SLK: variants seen among roughly 807,000 people sequenced by gnomAD.
SLK encodes the protein STE20-like serine/threonine-protein kinase.
A neutral mutation model predicts 147.7 loss-of-function variants in SLK; 67 were observed. That is an observed-to-expected ratio of 0.45 (90% confidence interval 0.37 to 0.56). The LOEUF (loss-of-function observed/expected upper bound fraction) is 0.56, where lower values mean the gene tolerates loss of function less well. Among genes scored for constraint, SLK ranks in the 20% least tolerant of loss-of-function variants. SLK has a pLI of 0.00. For synonymous variants in SLK, 441 were observed against 475.0 expected, an observed-to-expected ratio of 0.93 and a Z score of 0.93; for missense variants, 1,136 against 1,438.8, an observed-to-expected ratio of 0.79 and a Z score of 3.41.
intron 4 of SLK, among the ~76,000 whole-genome samples, chr10:103,995,056 G>A (rs147777794): frequency 6.0e-4 from 92 of 152,088 alleles, no homozygotes; most frequent in African/African-American, 2.0e-3. Context: ...CATTATTTTC[G>A]ATAATGATTT....
chr10:103,967,882 G>T lies in SLK; in HGVS notation c.137G>T (p.Gly46Val). 6.3e-7 allele frequency: 1 copy of T among 1,595,866 alleles called. No individual in the cohort carries two copies. The highest frequency in any genetic ancestry group is 8.5e-7 in the Non-Finnish European group (1 of 1,171,238). ...IIGELGDGAF[G>V]KVYKAQNKET... ...GGAGAACTGGGCGACGGAGCCTTTG[G>T]GAAAGTGTACAAGGTAAGAGGGGGA... is the stretch of plus-strand genomic sequence containing the variant. Residue 46 changes from glycine (G) to valine (V), a missense_variant, in exon 1 of 19, where the codon GGG becomes GTG. Coordinates refer to ENST00000369755, the MANE Select transcript of SLK (RefSeq NM_014720.4).
chr10:104,008,148 T>G, intron 11 of SLK, 29 bp from the exon 12 acceptor site: 1 of 1,573,650 alleles, frequency 6.4e-7, no homozygotes, highest in Non-Finnish European at 8.7e-7. Flanking sequence ...GATGGAAAAG[T>G]TATCATCTTG....
At chr10:103,980,305 T>G (rs1843924689) in intron 1 of SLK, among the ~76,000 whole-genome samples, 1 of 152,184 alleles carries the variant, frequency 6.6e-6, no homozygotes. Flanking sequence ...TGTAGTAAAA[T>G]ACACATAAAA....
intron 11 of SLK, 46 bp from the exon 12 acceptor site, chr10:104,008,131 T>C (rs773765692): frequency 3.0e-5 from 43 of 1,449,406 alleles, no homozygotes; most frequent in Non-Finnish European, 4.1e-5. Context: ...AAGGTATTAA[T>C]ATGGGTGATG....
rs747353260 is a variant in SLK at position 103,990,754 on chromosome 10, TG to T, written c.232del (p.Val78Ter). ...TCTGAAGAAGAACTTGAAGATTACA[TG>T]GTAGAGATTGACATATTAGCATCTT... ...TKSEEELEDY[M>X]VEIDILASCD... On this transcript the variant is annotated frameshift_variant, in exon 2 of 19. Transcript: ENST00000369755. LOFTEE classifies it high-confidence loss of function. 1 of 1,572,846 alleles carries T rather than the reference TG, an allele frequency of 6.4e-7. No individual in the cohort carries two copies. Among genetic ancestry groups the T allele is most frequent in the Admixed American group, 1.9e-5 (1 of 53,056 alleles).
At chr10:103,992,024 G>A (rs1844100233) in intron 2 of SLK, among the ~76,000 whole-genome samples, 3 of 151,624 alleles carry the variant, frequency 2.0e-5, no homozygotes, top group Admixed American at 2.0e-4. Flanking sequence ...TACAACTGTG[G>A]TAAGGGTTAA....
Position 104,003,099 on chromosome 10 carries a change from G to A in SLK, c.1921G>A (p.Glu641Lys). 1 of 1,614,122 alleles carries A rather than the reference G, an allele frequency of 6.2e-7. No individual in the cohort carries two copies. The highest frequency in any genetic ancestry group is 8.5e-7 in the Non-Finnish European group (1 of 1,179,996). ...GGAACCAGGAACAACTGAAGGTGAAGAAATCACTGAGTCAAGTAGCACTGA... is the reference window on the plus strand; with the variant it reads ...GGAACCAGGAACAACTGAAGGTGAAAAAATCACTGAGTCAAGTAGCACTGA... ...NEEPGTTEGE[E>K]ITESSSTEEM... Residue 641 changes from glutamate (E) to lysine (K), a missense_variant, in exon 9 of 19, where the codon GAA (glutamate) becomes AAA (lysine). Transcript: ENST00000369755.
chr10:104,012,435 TAGTTTA>T (rs939036415), intron 13 of SLK, among the ~76,000 whole-genome samples: 1 of 152,208 alleles, frequency 6.6e-6, no homozygotes, highest in African/African-American at 2.4e-5. Context: ...TGGGTATTCC[TAGTTTA>T]AGGTGGTTAA....
In SLK at chr10:104,020,046, T is replaced by C. The variant is rs1017318217; in HGVS notation, c.3321+124T>C. The C allele has an allele frequency of 4.3e-5, 32 of 738,436 alleles. 1 individual carries two copies. The highest frequency in any genetic ancestry group is 1.9e-4 in the Admixed American group (7 of 37,532). The allele number at this position is 738,436 out of a possible 1,614,324, so 45.7% of individuals were successfully genotyped here. ...ACCTTAGGCTTGTTGATGTTCACTTTAATTCTGTGGGCTGGGACTATAGAT... is the reference window on the plus strand; with the variant it reads ...ACCTTAGGCTTGTTGATGTTCACTTCAATTCTGTGGGCTGGGACTATAGAT... On this transcript the variant is annotated intron_variant, in intron 16 of 18. Transcript: ENST00000369755.
chr10:103,986,595 A>C (rs1844016362), intron 1 of SLK, among the ~76,000 whole-genome samples: 2 of 150,354 alleles, frequency 1.3e-5, no homozygotes, highest in South Asian at 4.2e-4. Context: ...CAGGCCGTGG[A>C]CTGGTACTGG....
rs1488454871 is a variant in SLK at position 104,027,806 on chromosome 10, C to T, written c.*2086C>T. 2 of 152,056 alleles carry T rather than the reference C, an allele frequency of 1.3e-5. No individual in the cohort carries two copies. Among genetic ancestry groups the T allele is most frequent in the Non-Finnish European group, 2.9e-5 (2 of 68,028 alleles). 9.4% of individuals were successfully genotyped at this position (152,056 alleles called of 1,614,324 possible). A position where few individuals can be genotyped will look rare whatever the true frequency, so the allele number is the denominator to read the frequency against. ...ATTTGATTCTTTCTGTTCCTTTCAA[C>T]TTGACATTCAGATTATTGACTCAAG... On this transcript the variant is annotated 3_prime_UTR_variant, in exon 19 of 19. Coordinates refer to ENST00000369755, the MANE Select transcript of SLK (RefSeq NM_014720.4).
chr10:104,017,956 T>G (rs1844485486), intron 13 of SLK, among the ~76,000 whole-genome samples: 1 of 150,642 alleles, frequency 6.6e-6, no homozygotes, highest in Non-Finnish European at 1.5e-5. Context: ...GTTGAGAATA[T>G]TATGTATTCT....
intron 4 of SLK, among the ~76,000 whole-genome samples, chr10:103,996,117 A>G (rs1338601600): frequency 1.3e-5 from 2 of 152,162 alleles, no homozygotes; most frequent in Non-Finnish European, 2.9e-5. Context: ...GATTCCTCTG[A>G]AAGGGCTCTC....
chr10:103,982,046 T>G (rs1480702304), intron 1 of SLK, among the ~76,000 whole-genome samples: 1 of 150,888 alleles, frequency 6.6e-6, no homozygotes, highest in Non-Finnish European at 1.5e-5. Context: ...TCTCCTTGGT[T>G]AAGTTAATTC....
rs1279857836 is a variant in SLK at position 104,019,756 on chromosome 10, ACAAT to A, written c.3159_3162del (p.Asn1053LysfsTer7). On this transcript the variant is annotated frameshift_variant, in exon 16 of 19. Coordinates refer to ENST00000369755, the MANE Select transcript of SLK (RefSeq NM_014720.4). LOFTEE classifies it high-confidence loss of function. ...TAGGAAACAGAGCAAATGCAGCGTT[ACAAT>A]CAAAGACTTATTGAGGAATTGAAAA... 2 of 1,613,860 alleles carry A rather than the reference ACAAT, an allele frequency of 1.2e-6. No individual in the cohort carries two copies. The highest frequency in any genetic ancestry group is 1.7e-6 in the Non-Finnish European group (2 of 1,179,868).
chr10:104,004,630 G>A (rs1844300460), intron 9 of SLK, among the ~76,000 whole-genome samples: 1 of 152,150 alleles, frequency 6.6e-6, no homozygotes, highest in African/African-American at 2.4e-5. Context: ...ATGCAGAAAG[G>A]TGATTGGAAG....
chr10:103,974,909 T>A (rs1270541177), intron 1 of SLK: 1 of 133,496 alleles, frequency 7.5e-6, no homozygotes, highest in Non-Finnish European at 1.6e-5. Flanking sequence ...GACCTCATGA[T>A]CCACCCGCCT....
chr10:103,997,787 C>G (rs932747430), intron 4 of SLK, among the ~76,000 whole-genome samples: 1 of 151,848 alleles, frequency 6.6e-6, no homozygotes, highest in African/African-American at 2.4e-5. Flanking sequence ...TGTTTTTCAT[C>G]ATTTTTAAAA....
chr10:104,010,655 CTT>C (rs1288315426), intron 12 of SLK, among the ~76,000 whole-genome samples, 159 bp from the exon 13 acceptor site: 3 of 152,162 alleles, frequency 2.0e-5, no homozygotes, highest in African/African-American at 7.2e-5. Context: ...TGCATGTTCT[CTT>C]CTTTCATTCT....
Sources: allele counts gnomAD v4.1 joint callset (sites outside exome capture counted in the v4.1 genomes callset), GRCh38; gene constraint gnomAD v4.1.1; transcripts MANE v1.5; gene names NCBI Gene and HGNC (gene_info 2026-07-23, HGNC 2026-07-21).